The following LUZP2 variants were observed in gnomAD, a reference collection of about 807,000 sequenced individuals.
LUZP2 encodes leucine zipper protein 2.
A neutral mutation model predicts 51.6 loss-of-function variants in LUZP2; 52 were observed. The ratio of observed to expected loss-of-function variants is 1.01; its 90% confidence interval spans 0.81 to 1.27. The LOEUF is 1.27. Ranked by LOEUF, LUZP2 falls within the 50% of genes most tolerant of loss-of-function variation. The probability of loss-of-function intolerance (pLI) is 0.00; values close to 1 mark genes in which losing one functional copy is unlikely to be tolerated. For missense variants in LUZP2, 436 were observed against 395.4 expected (o/e 1.10, Z -0.87); for synonymous variants, 154 against 137.3 (o/e 1.12, Z -0.85).
intron 1 of LUZP2, among the ~76,000 whole-genome samples, chr11:24,657,270 A>C (rs2133974384): frequency 6.6e-6 from 1 of 152,274 alleles, no homozygotes; most frequent in African/African-American, 2.4e-5. Flanking sequence ...GACAGGACAA[A>C]CTTATATATT....
chr11:24,880,182 C>A (rs1217512664), intron 5 of LUZP2, among the ~76,000 whole-genome samples: 1 of 152,194 alleles, frequency 6.6e-6, no homozygotes, highest in Non-Finnish European at 1.5e-5. Flanking sequence ...TAATACTCCC[C>A]CCATGGGTAA....
chr11:24,628,195 A>T (rs1360802023), intron 1 of LUZP2, among the ~76,000 whole-genome samples: 3 of 136,222 alleles, frequency 2.2e-5, no homozygotes, highest in African/African-American at 8.5e-5. Context: ...ACACACGCAC[A>T]CACACACACC....
At chr11:24,562,470 G>GA (rs5790416) in intron 1 of LUZP2, among the ~76,000 whole-genome samples, 61,837 of 148,586 alleles carry the variant, frequency 0.42, 13,228 homozygotes, top group Middle Eastern at 0.51. Flanking sequence ...GAGTCCTAAG[G>GA]AAAAAAAAAG....
chr11:24,576,732 A>C (rs1218612892), intron 1 of LUZP2, among the ~76,000 whole-genome samples: 1 of 152,100 alleles, frequency 6.6e-6, no homozygotes, highest in Non-Finnish European at 1.5e-5. Flanking sequence ...AATTGTAGAT[A>C]ATTTTTAGAG....
intron 4 of LUZP2, among the ~76,000 whole-genome samples, chr11:24,753,064 A>G (rs1416389210): frequency 6.6e-6 from 1 of 152,166 alleles, no homozygotes. Flanking sequence ...GACACTATAT[A>G]CTCGCAAACA....
intron 5 of LUZP2, among the ~76,000 whole-genome samples, chr11:24,835,146 A>G (rs927412435): frequency 6.6e-6 from 1 of 152,174 alleles, no homozygotes; most frequent in Admixed American, 6.6e-5. Context: ...GACCTTAGAA[A>G]TAACACCACA....
rs369095558 is a variant in LUZP2 at position 24,973,364 on chromosome 11, G to GTTTT, written c.523-3214_523-3211dup. ...TAGCTAGTATTCTATATATTTATTA[G>GTTTT]TTTTTTTTTTTTTTTTCAAAAAAAC... On this transcript the variant is annotated intron_variant, in intron 7 of 11. Transcript: ENST00000336930. Among the ~76,000 whole-genome samples the GTTTT allele has an allele frequency of 9.2e-3, 951 of 102,822 alleles. 26 individuals carry two copies. The highest frequency in any genetic ancestry group is 0.049 in the East Asian group (124 of 2,546). 67.5% of individuals were successfully genotyped at this position (102,822 alleles called of 152,430 possible).
chr11:24,533,979 C>A lies in LUZP2; in HGVS notation c.62+36674C>A, dbSNP rs79979757. 7.9e-4 allele frequency among the ~76,000 whole-genome samples: 119 copies of A among 151,386 alleles called. 1 individual carries two copies. The South Asian group carries it at 0.021, about 26-fold the overall frequency. On this transcript the variant is annotated intron_variant, in intron 1 of 11. Transcript: ENST00000336930. ...ACAGGGACAGTAATCACTCCTTAGG[C>A]TCCTTTAAAAATAGGCACTTATTCA...
Position 24,785,550 on chromosome 11 carries a change from A to ATAATTATGAATT in LUZP2, c.396+22246_396+22247insTATGAATTTAAT, listed in dbSNP as rs1590522615. On this transcript the variant is annotated intron_variant, in intron 5 of 11. Coordinates refer to ENST00000336930, the MANE Select transcript of LUZP2 (RefSeq NM_001009909.4). ...ACATATTTATATTGTCATTATGAAT[A>ATAATTATGAATT]TAATGACAATATAAATATAAGAAGA... Among the ~76,000 whole-genome samples, 3 of 151,938 alleles carry ATAATTATGAATT rather than the reference A, an allele frequency of 2.0e-5. No individual in the cohort carries two copies. The East Asian group carries it at 5.8e-4, about 29-fold the overall frequency.
At chr11:24,600,223 A>G (rs1008325796) in intron 1 of LUZP2, among the ~76,000 whole-genome samples, 3 of 148,910 alleles carry the variant, frequency 2.0e-5, no homozygotes, top group African/African-American at 5.0e-5. Context: ...ACACACGCAC[A>G]ATGGGGTAAC....
intron 5 of LUZP2, among the ~76,000 whole-genome samples, chr11:24,804,269 A>G (rs1849787318): frequency 6.6e-6 from 1 of 150,968 alleles, no homozygotes; most frequent in Non-Finnish European, 1.5e-5. Flanking sequence ...GTAGCCATCT[A>G]GGAAGTTCAG....
At chr11:24,878,967 T>TTGTA (rs113005456) in intron 5 of LUZP2, among the ~76,000 whole-genome samples, 1 of 149,718 alleles carries the variant, frequency 6.7e-6, no homozygotes, top group Non-Finnish European at 1.5e-5. Flanking sequence ...TTATTTATAT[T>TTGTA]TTTATTTATT....
chr11:25,018,043 T>TTG (rs1554955725), intron 9 of LUZP2, among the ~76,000 whole-genome samples: 1,737 of 30,734 alleles, frequency 0.057, 39 homozygotes, highest in African/African-American at 0.12. Context: ...TTCTGTTTTT[T>TTG]TTTTGTTTTT....
intron 5 of LUZP2, among the ~76,000 whole-genome samples, chr11:24,774,356 C>CTA (rs1324596298): frequency 2.4e-5 from 2 of 82,320 alleles, no homozygotes; most frequent in African/African-American, 1.0e-4. Context: ...CTCTCTCTCT[C>CTA]TCTCTCTATA....
At chr11:25,075,019 A>C (rs761281846) in intron 10 of LUZP2, among the ~76,000 whole-genome samples, 4 of 152,162 alleles carry the variant, frequency 2.6e-5, no homozygotes, top group Non-Finnish European at 4.4e-5. Context: ...ACATTTTTTG[A>C]GCTTGATTTC....
At chr11:24,561,653 C>G (rs1326018715) in intron 1 of LUZP2, among the ~76,000 whole-genome samples, 1 of 151,948 alleles carries the variant, frequency 6.6e-6, no homozygotes, top group Admixed American at 6.6e-5. Context: ...AGAGGAACAT[C>G]ACACACTGGG....
chr11:24,823,842 T>A (rs945327628), intron 5 of LUZP2, among the ~76,000 whole-genome samples: 2 of 152,016 alleles, frequency 1.3e-5, no homozygotes, highest in African/African-American at 4.8e-5. Context: ...GACGGGTGGA[T>A]CACAAAGTCA....
chr11:24,718,432 G>T (rs1430029025), intron 1 of LUZP2, among the ~76,000 whole-genome samples: 1 of 152,208 alleles, frequency 6.6e-6, no homozygotes, highest in South Asian at 2.1e-4. Flanking sequence ...GAGACAAAGA[G>T]TGGGAATTTG....
intron 5 of LUZP2, among the ~76,000 whole-genome samples, chr11:24,852,643 C>A (rs1352984116): frequency 6.6e-6 from 1 of 152,142 alleles, no homozygotes; most frequent in Non-Finnish European, 1.5e-5. Context: ...GAGCTGCGTT[C>A]AAGTCCTGAG....
Sources: gnomAD v4.1 joint callset for allele counts (sites outside exome capture counted in the v4.1 genomes callset) on GRCh38, gnomAD v4.1.1 for gene constraint, MANE v1.5 for transcripts, NCBI Gene and HGNC (gene_info 2026-07-23, HGNC 2026-07-21) for gene names.